C6orf163: variants seen among roughly 807,000 people sequenced by gnomAD.
C6orf163 encodes the protein chromosome 6 open reading frame 163.
Under a neutral mutation model 28.4 loss-of-function variants are expected in C6orf163, and 22 were observed. The observed-to-expected ratio is 0.78, with a 90% CI of 0.55 to 1.11. The LOEUF (loss-of-function observed/expected upper bound fraction) is 1.11. Ranked by LOEUF, C6orf163 falls within the 50% of genes least tolerant of loss-of-function variation. The probability of loss-of-function intolerance (pLI) is 0.00; values close to 1 mark genes in which losing one functional copy is unlikely to be tolerated. For missense variants in C6orf163, 342 were observed against 389.1 expected, an observed-to-expected ratio of 0.88 and a Z score of 1.02; for synonymous variants, 110 against 123.6, an observed-to-expected ratio of 0.89 and a Z score of 0.73.
chr6:87,350,287 A>G (rs1777391792), intron 2 of C6orf163, 107 bp from the exon 3 acceptor site: 3 of 703,898 alleles, frequency 4.3e-6, no homozygotes, highest in East Asian at 2.8e-5. Flanking sequence ...GGTTGTTGCT[A>G]ATTTTCAGTA....
chr6:87,365,359 A>G lies in C6orf163; in HGVS notation c.953A>G (p.Asn318Ser). Residue 318 changes from asparagine to serine, a missense_variant, in exon 5 of 5, where the codon AAT becomes AGT. Physicochemically the swap from Asn to Ser is conservative, Grantham distance 46 (BLOSUM62 1). Transcript: ENST00000388923. ...CCAGAAAGAAAGAAAACACCTTCTA[A>G]TCTTGTTATTAAGGAGAACAAAACA... ...ILPERKKTPS[N>S]LVIKENKTTL... is the part of the protein sequence containing the mutation. 5 of 1,548,442 alleles carry G rather than the reference A, an allele frequency of 3.2e-6. No homozygotes were observed. The highest frequency in any genetic ancestry group is 3.5e-6 in the Non-Finnish European group (4 of 1,145,580).
chr6:87,364,008 G>T (rs756727226), intron 4 of C6orf163, among the ~76,000 whole-genome samples: 6 of 152,158 alleles, frequency 3.9e-5, no homozygotes, highest in Non-Finnish European at 5.9e-5. Context: ...ATTAGGCTGG[G>T]TACAGTGGCT....
rs1174550297 is a variant in C6orf163, at chr6:87,364,792, G to A, written c.555-169G>A. ...TAGGAAGCCTCCCTGCTCTGAAAATGTGTTTTGTTTGATAACAGCTAATGC... is the reference window on the plus strand; with the variant it reads ...TAGGAAGCCTCCCTGCTCTGAAAATATGTTTTGTTTGATAACAGCTAATGC... On this transcript the variant is annotated intron_variant, in intron 4 of 4. Coordinates refer to ENST00000388923, the MANE Select transcript of C6orf163 (RefSeq NM_001010868.3). Among the ~76,000 whole-genome samples, 3 of 152,308 alleles carry A rather than the reference G, an allele frequency of 2.0e-5. No homozygotes were observed. In the East Asian group the frequency reaches 5.8e-4, roughly 29 times the overall value.
chr6:87,356,065 T>C, intron 3 of C6orf163: 1 of 466,860 alleles, frequency 2.1e-6, no homozygotes, highest in Non-Finnish European at 3.8e-6. Flanking sequence ...TTTTCCATAT[T>C]CCCTTTCAAT....
At chr6:87,345,940 A>AAAAAAAAAAAAAT (rs869225279) in intron 1 of C6orf163, among the ~76,000 whole-genome samples, 1 of 141,342 alleles carries the variant, frequency 7.1e-6, no homozygotes, top group African/African-American at 2.7e-5. Flanking sequence ...AAAAAAAAAA[A>AAAAAAAAAAAAAT]TTTTAAAGTA....
intron 1 of C6orf163, among the ~76,000 whole-genome samples, chr6:87,346,252 G>A (rs1406782238): frequency 6.6e-6 from 1 of 152,100 alleles, no homozygotes; most frequent in Non-Finnish European, 1.5e-5. Context: ...AATATAAGAA[G>A]CTGGAGAGCA....
chr6:87,359,425 C>T (rs917744956), intron 4 of C6orf163, among the ~76,000 whole-genome samples: 3 of 152,204 alleles, frequency 2.0e-5, no homozygotes, highest in South Asian at 2.1e-4. Flanking sequence ...CCCTCACCTG[C>T]GTAACTTCTG....
chr6:87,364,862 C>T, intron 4 of C6orf163, 99 bp from the exon 5 acceptor site: 2 of 876,208 alleles, frequency 2.3e-6, no homozygotes, highest in East Asian at 2.7e-5. Flanking sequence ...GCTGGTGGCT[C>T]ATCTCAACAA....
Position 87,348,808 on chromosome 6 carries a change from A to G in C6orf163, c.149-4A>G. The stretch of plus-strand genomic sequence containing the variant: ...TTTGTGACCATTGCTCTTCAAATAC[A>G]CAGATATTGGGGCAAATATTCTGAA... On this transcript the variant is annotated splice_region_variant and splice_polypyrimidine_tract_variant and intron_variant, in intron 1 of 4. Transcript: ENST00000388923. 5.2e-6 allele frequency: 8 copies of G among 1,537,218 alleles called. No homozygotes were observed. Among genetic ancestry groups the G allele is most frequent in the Non-Finnish European group, 7.0e-6 (8 of 1,146,858 alleles).
intron 1 of C6orf163, chr6:87,347,482 C>T (rs1777343080): frequency 1.0e-6 from 1 of 985,246 alleles, no homozygotes; most frequent in Non-Finnish European, 1.2e-6. Flanking sequence ...CACATTTTGT[C>T]CTAGAAAATC....
At chr6:87,352,977 T>C (rs1284549780) in intron 3 of C6orf163, among the ~76,000 whole-genome samples, 1 of 152,232 alleles carries the variant, frequency 6.6e-6, no homozygotes, top group Non-Finnish European at 1.5e-5. Context: ...TCACTCAAGA[T>C]GCATTTCAGT....
At chr6:87,347,278 A>C (rs868562301) in intron 1 of C6orf163, 1 of 435,084 alleles carries the variant, frequency 2.3e-6, no homozygotes, top group East Asian at 1.6e-4. Context: ...GATTCATCCA[A>C]GTTGTTTATC....
chr6:87,349,175 C>T (rs559432677), intron 2 of C6orf163, among the ~76,000 whole-genome samples: 1 of 152,310 alleles, frequency 6.6e-6, no homozygotes, highest in Admixed American at 6.5e-5. Flanking sequence ...CCGGCATCAT[C>T]AGGAGCTTCC....
intron 3 of C6orf163, among the ~76,000 whole-genome samples, chr6:87,354,081 A>G (rs1046623619): frequency 5.9e-5 from 9 of 151,870 alleles, no homozygotes; most frequent in African/African-American, 2.2e-4. Flanking sequence ...CTGGTCTCGA[A>G]CTCCTGGCCT....
intron 1 of C6orf163, chr6:87,347,793 C>G: frequency 1.0e-6 from 1 of 985,556 alleles, no homozygotes; most frequent in Non-Finnish European, 1.2e-6. Flanking sequence ...GCTAGACTTA[C>G]TCCGGCAGCT....
At chr6:87,345,404 CTTACAGT>C (rs1460663325) in intron 1 of C6orf163, among the ~76,000 whole-genome samples, 157 bp downstream of exon 1, 4 of 152,178 alleles carry the variant, frequency 2.6e-5, no homozygotes, top group Non-Finnish European at 4.4e-5. Context: ...AGCTTCTCCA[CTTACAGT>C]TGTATGTATT....
At chr6:87,359,066 A>C (rs1777546074) in intron 4 of C6orf163, 1 of 152,288 alleles carries the variant, frequency 6.6e-6, no homozygotes, top group South Asian at 2.1e-4. Flanking sequence ...GCCCTTCCTC[A>C]ACATTGTGTA....
In C6orf163 at chr6:87,344,909, C is replaced by T; in HGVS notation, c.-191C>T. The T allele has an allele frequency of 2.3e-6, 1 of 442,684 alleles. No homozygotes were observed. The highest frequency in any genetic ancestry group is 3.9e-6 in the Non-Finnish European group (1 of 253,516). 27.4% of individuals were successfully genotyped at this position (442,684 alleles called of 1,614,324 possible). ...CTTCTATGGCAGGGGCTTTTAGCACCATTCTTTAACGTTAGACACATAACC... is the reference window on the plus strand; with the variant it reads ...CTTCTATGGCAGGGGCTTTTAGCACTATTCTTTAACGTTAGACACATAACC... On this transcript the variant is annotated 5_prime_UTR_variant, in exon 1 of 5. Transcript: ENST00000388923.
intron 1 of C6orf163, among the ~76,000 whole-genome samples, chr6:87,346,842 T>C (rs1777332055): frequency 6.6e-6 from 1 of 152,212 alleles, no homozygotes; most frequent in South Asian, 2.1e-4. Flanking sequence ...TTCAAGATAG[T>C]TTAAGACTCA....
Sources: gnomAD v4.1 joint callset for allele counts (sites outside exome capture counted in the v4.1 genomes callset) on GRCh38, gnomAD v4.1.1 for gene constraint, MANE v1.5 for transcripts, NCBI Gene and HGNC (gene_info 2026-07-23, HGNC 2026-07-21) for gene names.